The following CTDSPL variants were observed in gnomAD, a reference collection of about 807,000 sequenced individuals.
CTDSPL encodes CTD small phosphatase-like protein.
Under a neutral mutation model 30.5 loss-of-function variants are expected in CTDSPL, and 8 were observed. The ratio of observed to expected loss-of-function variants is 0.26; its 90% CI spans 0.15 to 0.47. The LOEUF is 0.47. Among genes scored for constraint, CTDSPL ranks in the 20% least tolerant of loss-of-function variants. The probability of loss-of-function intolerance (pLI) is 0.99; values close to 1 mark genes in which losing one functional copy is unlikely to be tolerated. For missense variants in CTDSPL, 248 were observed against 366.1 expected, an observed-to-expected ratio of 0.68 and a Z score of 2.63; for synonymous variants, 110 against 137.9, an observed-to-expected ratio of 0.80 and a Z score of 1.42.
At chr3:37,913,528 G>A (rs1698607187) in intron 1 of CTDSPL, among the ~76,000 whole-genome samples, 1 of 152,170 alleles carries the variant, frequency 6.6e-6, no homozygotes, top group South Asian at 2.1e-4. Context: ...GAGGGGGAAT[G>A]TTGTTTGATT....
At position 37,982,198 on chromosome 3, in the gene CTDSPL, T is replaced by C. The variant is rs1699500377; in HGVS notation, c.*1331T>C. The C allele has an allele frequency of 3.2e-6, 1 of 309,830 alleles. No individual in the cohort carries two copies. Among genetic ancestry groups the C allele is most frequent in the African/African-American group, 2.2e-5 (1 of 45,932 alleles). The allele number at this position is 309,830 out of a possible 1,614,324, so 19.2% of individuals were successfully genotyped here. On this transcript the variant is annotated 3_prime_UTR_variant, in exon 8 of 8. Transcript: ENST00000273179. ...ACCAAGCTGATGTGGCCCAAGTCCA[T>C]CTCTTGGTCTTCTCCTTTGAAGCAC...
At position 37,862,143 on chromosome 3, in the gene CTDSPL, C is replaced by CCG; in HGVS notation, c.-51_-50dup. 1 of 926,522 alleles carries CCG rather than the reference C, an allele frequency of 1.1e-6. No individual in the cohort carries two copies. The highest frequency in any genetic ancestry group is 1.3e-6 in the Non-Finnish European group (1 of 779,632). The allele number at this position is 926,522 out of a possible 1,614,324, so 57.4% of individuals were successfully genotyped here. A position where few individuals can be genotyped will look rare whatever the true frequency, so the allele number is the denominator to read the frequency against. On this transcript the variant is annotated 5_prime_UTR_variant, in exon 1 of 8. Transcript: ENST00000273179. This position sits in a 1 kb window ranked among gnomAD's most constrained non-coding sequence, Gnocchi z 4.3. The stretch of plus-strand genomic sequence containing the variant: ...CCCCCGCGCCCCCCGCGCCGCGCCC[C>CCG]CGCGCGCTTGGCTTGCGGGGGGCCG...
Position 37,975,818 on chromosome 3 carries a change from G to A in CTDSPL, c.629G>A (p.Arg210His), listed in dbSNP as rs748453143. 2.1e-5 allele frequency: 34 copies of A among 1,613,982 alleles called. No homozygotes were observed. Among genetic ancestry groups the A allele is most frequent in the Non-Finnish European group, 2.7e-5 (32 of 1,180,024 alleles). Residue 210 changes from arginine to histidine, a missense_variant, in exon 7 of 8, where the codon CGC becomes CAC. Physicochemically the swap from Arg to His is conservative, Grantham distance 29 (BLOSUM62 0). This residue lies in a region of CTDSPL where 84 missense variants were observed against 139.4 expected (regional missense o/e 0.60). Coordinates refer to ENST00000273179, the MANE Select transcript of CTDSPL (RefSeq NM_001008392.2). This position sits in a 1 kb window ranked among gnomAD's most constrained non-coding sequence, Gnocchi z 4.9. ...GGGAACTACGTGAAGGACCTGAGTC[G>A]CCTTGGGCGGGAGCTGAGCAAAGTG... ...HRGNYVKDLS[R>H]LGRELSKVII...
At chr3:37,979,752 G>A (rs987654020) in intron 7 of CTDSPL, among the ~76,000 whole-genome samples, 3 of 151,836 alleles carry the variant, frequency 2.0e-5, no homozygotes, top group African/African-American at 4.8e-5. Flanking sequence ...AGAGTGTGAC[G>A]CTGTGTCACA....
chr3:37,862,194 G>T lies in CTDSPL; in HGVS notation c.-6G>T. On this transcript the variant is annotated 5_prime_UTR_variant, in exon 1 of 8. Coordinates refer to ENST00000273179, the MANE Select transcript of CTDSPL (RefSeq NM_001008392.2). This position sits in a 1 kb window ranked among gnomAD's most constrained non-coding sequence, Gnocchi z 4.3. ...GGCCTGCGGGCGGCCGCCGCGCCGCGCACCCATGGACGGCCCGGCCATCAT... is the reference window on the plus strand; with the variant it reads ...GGCCTGCGGGCGGCCGCCGCGCCGCTCACCCATGGACGGCCCGGCCATCAT... The T allele has an allele frequency of 8.2e-7, 1 of 1,220,730 alleles. No individual in the cohort carries two copies. The allele number at this position is 1,220,730 out of a possible 1,614,324, so 75.6% of individuals were successfully genotyped here.
At chr3:37,865,389 C>G (rs1009161353) in intron 1 of CTDSPL, among the ~76,000 whole-genome samples, 6 of 152,162 alleles carry the variant, frequency 3.9e-5, no homozygotes, top group Non-Finnish European at 8.8e-5. Flanking sequence ...CATGTGAAAC[C>G]TTTTCATGCA....
intron 1 of CTDSPL, among the ~76,000 whole-genome samples, chr3:37,915,816 T>G (rs1299715409): frequency 2.0e-5 from 3 of 152,224 alleles, no homozygotes; most frequent in Non-Finnish European, 4.4e-5. Flanking sequence ...TCTTATATCC[T>G]CATATACCTA....
chr3:37,939,101 A>G (rs1698948992), intron 1 of CTDSPL, among the ~76,000 whole-genome samples: 1 of 150,230 alleles, frequency 6.7e-6, no homozygotes, highest in African/African-American at 2.4e-5. Context: ...GTTTTTTCAT[A>G]AAGCCAGGCT....
At chr3:37,948,739 A>G (rs1699071369) in intron 2 of CTDSPL, among the ~76,000 whole-genome samples, 1 of 152,186 alleles carries the variant, frequency 6.6e-6, no homozygotes, top group Non-Finnish European at 1.5e-5. Context: ...TAAATACATG[A>G]AAAATATTTA....
chr3:37,937,239 C>T lies in CTDSPL; in HGVS notation c.80-9818C>T, dbSNP rs1443281440. On this transcript the variant is annotated intron_variant, in intron 1 of 7. Coordinates refer to ENST00000273179, the MANE Select transcript of CTDSPL (RefSeq NM_001008392.2). ...GCTTATCTGACTGCTATGGTTTAGACGTGGTTTGTCCCCACCAAAGCTCAT... is the reference window on the plus strand; with the variant it reads ...GCTTATCTGACTGCTATGGTTTAGATGTGGTTTGTCCCCACCAAAGCTCAT... 2.0e-5 allele frequency among the ~76,000 whole-genome samples: 3 copies of T among 150,058 alleles called. 1 individual carries two copies. The highest frequency in any genetic ancestry group is 7.3e-5 in the African/African-American group (3 of 41,246).
chr3:37,929,441 A>G (rs1482625047), intron 1 of CTDSPL, among the ~76,000 whole-genome samples: 1 of 152,004 alleles, frequency 6.6e-6, no homozygotes, highest in African/African-American at 2.4e-5. Flanking sequence ...CATTTATTAG[A>G]TCTTCTTTAG....
At chr3:37,979,825 G>T (rs1372548964) in intron 7 of CTDSPL, among the ~76,000 whole-genome samples, 1 of 152,124 alleles carries the variant, frequency 6.6e-6, no homozygotes, top group Non-Finnish European at 1.5e-5. Flanking sequence ...TATACACTTA[G>T]ATTCACTTTT....
intron 1 of CTDSPL, among the ~76,000 whole-genome samples, chr3:37,903,063 G>T (rs527811589): frequency 2.0e-5 from 3 of 152,320 alleles, no homozygotes; most frequent in South Asian, 2.1e-4. Flanking sequence ...TGAGATGGTG[G>T]TGGGCTTCTC....
At chr3:37,971,032 G>A (rs1056811939) in intron 5 of CTDSPL, among the ~76,000 whole-genome samples, 2 of 152,182 alleles carry the variant, frequency 1.3e-5, no homozygotes, top group South Asian at 2.1e-4. Flanking sequence ...ACCGTGGCCC[G>A]TGCCCACACA....
intron 1 of CTDSPL, among the ~76,000 whole-genome samples, chr3:37,924,593 G>A (rs1049847555): frequency 6.6e-6 from 1 of 152,148 alleles, no homozygotes; most frequent in Non-Finnish European, 1.5e-5. Context: ...TTGGGGCCAC[G>A]TTTATTTTGG....
At chr3:37,933,816 T>G (rs1698883692) in intron 1 of CTDSPL, among the ~76,000 whole-genome samples, 1 of 152,246 alleles carries the variant, frequency 6.6e-6, no homozygotes, top group Admixed American at 6.5e-5. Context: ...ATCCTTCTTT[T>G]TAACACCTGT....
intron 1 of CTDSPL, among the ~76,000 whole-genome samples, chr3:37,876,829 A>T (rs1321468506): frequency 1.3e-5 from 2 of 151,898 alleles, no homozygotes; most frequent in African/African-American, 2.4e-5. Context: ...ATAACATTAA[A>T]TTTAGCAGTG....
At chr3:37,889,323 A>G (rs1698298078) in intron 1 of CTDSPL, among the ~76,000 whole-genome samples, 2 of 152,206 alleles carry the variant, frequency 1.3e-5, no homozygotes, top group South Asian at 4.1e-4. Flanking sequence ...AATTTTTTGT[A>G]ATAAAGTTTT....
chr3:37,947,493 G>A (rs965073643), intron 2 of CTDSPL, among the ~76,000 whole-genome samples: 2 of 152,160 alleles, frequency 1.3e-5, no homozygotes, highest in African/African-American at 2.4e-5. Context: ...CTGGGAGGCG[G>A]AGGTTGCAGT....
Sources: allele counts gnomAD v4.1 joint callset (sites outside exome capture counted in the v4.1 genomes callset), GRCh38; gene constraint gnomAD v4.1.1; regional missense constraint gnomAD v4.1.1; non-coding constraint Gnocchi (gnomAD v3.1); transcripts MANE v1.5; gene names NCBI Gene and HGNC (gene_info 2026-07-23, HGNC 2026-07-21).